Variants in KCNMA1 observed in about 807,000 individuals in gnomAD.
KCNMA1 encodes potassium calcium-activated channel subfamily M alpha 1, also known as Calcium-activated potassium channel subunit alpha-1.
A neutral mutation model predicts 140.0 loss-of-function variants in KCNMA1; 29 were observed. The observed-to-expected ratio is 0.21, with a 90% confidence interval of 0.15 to 0.28. The LOEUF is 0.28. Among genes scored for constraint, KCNMA1 ranks in the 10% least tolerant of loss-of-function variants. The probability of loss-of-function intolerance (pLI) is 1.00; values close to 1 mark genes in which losing one functional copy is unlikely to be tolerated. For synonymous variants in KCNMA1, 612 were observed against 611.9 expected (o/e 1.00, Z 0.00); for missense variants, 880 against 1,602.2 (o/e 0.55, Z 7.70).
chr10:77,121,162 G>C (rs1223381560), intron 5 of KCNMA1, 114 bp from the exon 6 acceptor site: 7 of 729,868 alleles, frequency 9.6e-6, no homozygotes, highest in Non-Finnish European at 1.7e-5. Context: ...AGTTCTTGCA[G>C]AAGATAAACC....
At chr10:77,574,763 A>G (rs1478022872) in intron 1 of KCNMA1, among the ~76,000 whole-genome samples, 1 of 151,344 alleles carries the variant, frequency 6.6e-6, no homozygotes, top group East Asian at 1.9e-4. Context: ...TGAGGATCAC[A>G]TGAGGTCATA....
intron 1 of KCNMA1, among the ~76,000 whole-genome samples, chr10:77,471,706 T>C (rs996658724): frequency 6.9e-6 from 1 of 145,070 alleles, no homozygotes; most frequent in African/African-American, 2.6e-5. Flanking sequence ...ACACATTATA[T>C]ACACATATCA....
At chr10:77,438,984 G>C (rs1157836623) in intron 1 of KCNMA1, among the ~76,000 whole-genome samples, 1 of 151,676 alleles carries the variant, frequency 6.6e-6, no homozygotes, top group Non-Finnish European at 1.5e-5. Flanking sequence ...GCTGAAACAG[G>C]AGAATGACTT....
At chr10:77,130,018 A>G (rs555276406) in intron 5 of KCNMA1, among the ~76,000 whole-genome samples, 6 of 152,278 alleles carry the variant, frequency 3.9e-5, no homozygotes, top group Non-Finnish European at 8.8e-5. Context: ...CATTTTATTA[A>G]AATTCTAAAC....
intron 2 of KCNMA1, among the ~76,000 whole-genome samples, chr10:77,400,217 CT>C (rs1005386080): frequency 1.1e-4 from 17 of 152,228 alleles, no homozygotes; most frequent in African/African-American, 4.1e-4. Flanking sequence ...GTGCAGGGAC[CT>C]GCCTGCTCCT....
chr10:77,185,928 G>A (rs893571016), intron 3 of KCNMA1, among the ~76,000 whole-genome samples: 2 of 152,136 alleles, frequency 1.3e-5, no homozygotes, highest in East Asian at 1.9e-4. Context: ...AGGGAAAGGA[G>A]ACAGAATACC....
intron 14 of KCNMA1, among the ~76,000 whole-genome samples, chr10:77,040,294 G>T (rs1292494084): frequency 6.6e-6 from 1 of 152,072 alleles, no homozygotes; most frequent in Non-Finnish European, 1.5e-5. Context: ...ATCAAAATTT[G>T]TAAAAGTACA....
At chr10:77,546,880 T>G (rs2061569205) in intron 1 of KCNMA1, among the ~76,000 whole-genome samples, 1 of 152,196 alleles carries the variant, frequency 6.6e-6, no homozygotes, top group Non-Finnish European at 1.5e-5. Flanking sequence ...TGCTTGGTGC[T>G]TTGTAAACCC....
chr10:77,396,868 A>T (rs2096072787), intron 2 of KCNMA1, among the ~76,000 whole-genome samples: 1 of 150,846 alleles, frequency 6.6e-6, no homozygotes, highest in Non-Finnish European at 1.5e-5. Context: ...AAGTAACTAC[A>T]AAGAGTGATT....
chr10:76,884,047 A>G, downstream of KCNMA1: 1 of 924,448 alleles, frequency 1.1e-6, no homozygotes, highest in South Asian at 5.0e-5. Flanking sequence ...TCCATCTCTT[A>G]TCATAGTCTG....
At chr10:76,996,847 TG>T (rs1243411815) in intron 19 of KCNMA1, among the ~76,000 whole-genome samples, 1 of 152,196 alleles carries the variant, frequency 6.6e-6, no homozygotes, top group Non-Finnish European at 1.5e-5. Context: ...AATTTAGGTT[TG>T]GGGAATTTGA....
At chr10:77,109,178 C>G (rs931035239) in intron 8 of KCNMA1, among the ~76,000 whole-genome samples, 2 of 152,084 alleles carry the variant, frequency 1.3e-5, no homozygotes, top group Admixed American at 6.5e-5. Flanking sequence ...TGGCCTGTGG[C>G]TGGCTGGATG....
rs1392153667 is a variant in KCNMA1, at chr10:77,019,023, C to A, written c.2005G>T (p.Glu669Ter). The A allele has an allele frequency of 6.3e-7, 1 of 1,579,440 alleles. No homozygotes were observed. Among genetic ancestry groups the A allele is most frequent in the African/African-American group, 1.3e-5 (1 of 74,154 alleles). Residue 669 changes from glutamate (E) to a stop codon, truncating the protein, a stop_gained, in exon 17 of 28, where the codon GAA becomes TAA. Transcript: ENST00000286628. LOFTEE classifies it high-confidence loss of function. ...AAAATAAACTCTTACCTTTTAACTT[C>A]TTTGGCATCACTTGCGATGAAAAAT... ...LGFFIASDAK[E>*]VKRAFFYCKA... is the part of the protein sequence containing the mutation.
intron 3 of KCNMA1, among the ~76,000 whole-genome samples, chr10:77,201,745 T>C (rs1341315343): frequency 6.6e-6 from 1 of 152,156 alleles, no homozygotes; most frequent in Non-Finnish European, 1.5e-5. Flanking sequence ...TTCATTGTGC[T>C]GATGGAAGAG....
rs370529422 is a variant in KCNMA1, at chr10:77,383,942, C to T, written c.540+19920G>A. Among the ~76,000 whole-genome samples, 47 of 152,330 alleles carry T rather than the reference C, an allele frequency of 3.1e-4. No homozygotes were observed. The East Asian group carries it at 4.4e-3, about 14-fold the overall frequency. Reference sequence around the variant, plus strand: ...AGGTTTAAAGTTTCTCAGGCTTGTGCGTGCTCAGCCAGCTCATGGGCATCT... The same window carrying T: ...AGGTTTAAAGTTTCTCAGGCTTGTGTGTGCTCAGCCAGCTCATGGGCATCT... On this transcript the variant is annotated intron_variant, in intron 2 of 27. Transcript: ENST00000286628.
chr10:77,636,843 G>A lies in KCNMA1; in HGVS notation c.378+422C>T, dbSNP rs1030597481. The A allele has an allele frequency of 4.9e-6, 7 of 1,429,506 alleles. No individual in the cohort carries two copies. In the African/African-American group the frequency reaches 7.2e-5, roughly 15 times the overall value. 88.6% of individuals were successfully genotyped at this position (1,429,506 alleles called of 1,614,324 possible). A position where few individuals can be genotyped will look rare whatever the true frequency, so the allele number is the denominator to read the frequency against. On this transcript the variant is annotated intron_variant, in intron 1 of 27. Transcript: ENST00000286628. ...AGTATGGGCGGATGTGCTCCCTCTC[G>A]CCCACCGCCAGGAGCCGAGCCCCGG...
At chr10:76,970,500 C>T (rs2153165580) in intron 19 of KCNMA1, 1 of 231,296 alleles carries the variant, frequency 4.3e-6, no homozygotes, top group East Asian at 1.1e-4. Context: ...TAACTGCCAG[C>T]CTGCTGCTTC....
At chr10:76,910,885 T>C (rs1192872072) in intron 24 of KCNMA1, 1 of 152,860 alleles carries the variant, frequency 6.5e-6, no homozygotes, top group Non-Finnish European at 1.5e-5. Flanking sequence ...CAAGGACTCC[T>C]CCCGCATGTA....
At chr10:77,174,245 T>C (rs1179195812) in intron 5 of KCNMA1, among the ~76,000 whole-genome samples, 3 of 152,212 alleles carry the variant, frequency 2.0e-5, no homozygotes, top group African/African-American at 4.8e-5. Flanking sequence ...AGTGTATTCA[T>C]GATTTCTCTA....
Sources: gnomAD v4.1 joint callset for allele counts (sites outside exome capture counted in the v4.1 genomes callset) on GRCh38, gnomAD v4.1.1 for gene constraint, MANE v1.5 for transcripts, NCBI Gene and HGNC (gene_info 2026-07-23, HGNC 2026-07-21) for gene names.